The following MARCHF3 variants were observed in gnomAD, a reference collection of about 807,000 sequenced individuals.
MARCHF3 encodes E3 ubiquitin-protein ligase MARCHF3.
Under a neutral mutation model 24.2 loss-of-function variants are expected in MARCHF3, and 13 were observed. The observed-to-expected ratio is 0.54, with a 90% CI of 0.35 to 0.85. The LOEUF (loss-of-function observed/expected upper bound fraction) is 0.85, where lower values mean the gene tolerates loss of function less well. Among genes scored for constraint, MARCHF3 ranks in the 40% least tolerant of loss-of-function variants. MARCHF3 has a pLI of 0.01. For missense variants in MARCHF3, 276 were observed against 325.0 expected, an observed-to-expected ratio of 0.85 and a Z score of 1.16; for synonymous variants, 144 against 137.3, an observed-to-expected ratio of 1.05 and a Z score of -0.34.
intron 1 of MARCHF3, among the ~76,000 whole-genome samples, chr5:126,979,087 T>C (rs368080325): frequency 2.6e-5 from 4 of 152,208 alleles, no homozygotes; most frequent in African/African-American, 9.7e-5. Flanking sequence ...CACACGGACT[T>C]TCCTTAATTT....
intron 2 of MARCHF3, among the ~76,000 whole-genome samples, chr5:126,915,396 A>G (rs1412903363): frequency 3.3e-5 from 5 of 152,250 alleles, no homozygotes; most frequent in African/African-American, 1.2e-4. Context: ...AGTGAGTGAA[A>G]ACAAGCAGTG....
intron 1 of MARCHF3, among the ~76,000 whole-genome samples, chr5:127,020,295 A>C (rs1752753160): frequency 6.6e-6 from 1 of 152,260 alleles, no homozygotes; most frequent in African/African-American, 2.4e-5. Flanking sequence ...CCAGATGTTA[A>C]GGAAGCAAAA....
chr5:126,960,631 GTAACAT>G (rs1231592174), intron 1 of MARCHF3, among the ~76,000 whole-genome samples: 10 of 152,122 alleles, frequency 6.6e-5, no homozygotes, highest in African/African-American at 2.4e-4. Flanking sequence ...CAGCTGTAAA[GTAACAT>G]TAGACAATGA....
At chr5:127,007,672 C>T (rs559260910) in intron 1 of MARCHF3, among the ~76,000 whole-genome samples, 3 of 152,048 alleles carry the variant, frequency 2.0e-5, no homozygotes, top group Non-Finnish European at 4.4e-5. Context: ...TAACAAAGAG[C>T]TTATTTTATG....
chr5:126,899,193 G>C, intron 3 of MARCHF3: 1 of 985,316 alleles, frequency 1.0e-6, no homozygotes, highest in Non-Finnish European at 1.2e-6. Context: ...TACATTCCAT[G>C]AAGAATGAGG....
chr5:126,895,990 C>A (rs544385729), intron 3 of MARCHF3, among the ~76,000 whole-genome samples: 1 of 152,266 alleles, frequency 6.6e-6, no homozygotes, highest in East Asian at 1.9e-4. Context: ...ACCCTCCAAG[C>A]CAGGTGCGGG....
chr5:126,913,453 T>G (rs1354421819), intron 3 of MARCHF3, among the ~76,000 whole-genome samples: 5 of 152,242 alleles, frequency 3.3e-5, no homozygotes, highest in Non-Finnish European at 1.5e-5. Flanking sequence ...TTAATTATAT[T>G]TGCCCCTCTA....
intron 1 of MARCHF3, among the ~76,000 whole-genome samples, chr5:127,020,476 TC>T (rs1752758804): frequency 6.6e-6 from 1 of 152,186 alleles, no homozygotes; most frequent in South Asian, 2.1e-4. Context: ...TGAATCCTAA[TC>T]CCCAATGTGA....
At chr5:126,900,634 G>A (rs754654940) in intron 3 of MARCHF3, among the ~76,000 whole-genome samples, 1 of 151,854 alleles carries the variant, frequency 6.6e-6, no homozygotes, top group Non-Finnish European at 1.5e-5. Flanking sequence ...ATAGTAGCCA[G>A]AATGGACTGG....
chr5:127,014,636 G>T (rs1752577218), intron 1 of MARCHF3, among the ~76,000 whole-genome samples: 1 of 152,168 alleles, frequency 6.6e-6, no homozygotes, highest in African/African-American at 2.4e-5. Context: ...AAAAAAGAAT[G>T]AAATTCTGTA....
chr5:127,022,092 T>C (rs1752822163), intron 1 of MARCHF3, among the ~76,000 whole-genome samples: 1 of 152,196 alleles, frequency 6.6e-6, no homozygotes, highest in Non-Finnish European at 1.5e-5. Flanking sequence ...GATAGATAAG[T>C]GAGCGGGAGG....
chr5:126,894,594 T>G (rs1278556893), intron 3 of MARCHF3, among the ~76,000 whole-genome samples: 1 of 151,996 alleles, frequency 6.6e-6, no homozygotes, highest in African/African-American at 2.4e-5. Flanking sequence ...ATTCTTTTCT[T>G]TAAGAATGTT....
chr5:127,001,505 A>G (rs1580473346), intron 1 of MARCHF3, among the ~76,000 whole-genome samples: 1 of 152,192 alleles, frequency 6.6e-6, no homozygotes, highest in African/African-American at 2.4e-5. Context: ...CCTCTCCCCC[A>G]TGGTACCAGT....
chr5:126,932,757 G>A (rs1357246253), intron 1 of MARCHF3, among the ~76,000 whole-genome samples: 1 of 152,064 alleles, frequency 6.6e-6, no homozygotes, highest in African/African-American at 2.4e-5. Context: ...GAGCTAGGTG[G>A]GCCACTATAG....
chr5:126,976,905 T>C (rs935189449), intron 1 of MARCHF3, among the ~76,000 whole-genome samples: 2 of 152,248 alleles, frequency 1.3e-5, no homozygotes, highest in Non-Finnish European at 2.9e-5. Flanking sequence ...CCACCGATCC[T>C]GGGTTTGCTT....
At chr5:126,895,994 G>A (rs1164238042) in intron 3 of MARCHF3, among the ~76,000 whole-genome samples, 1 of 152,170 alleles carries the variant, frequency 6.6e-6, no homozygotes, top group Non-Finnish European at 1.5e-5. Flanking sequence ...TCCAAGCCAG[G>A]TGCGGGATAT....
At chr5:126,964,539 T>C (rs868334039) in intron 1 of MARCHF3, among the ~76,000 whole-genome samples, 16 of 152,194 alleles carry the variant, frequency 1.1e-4, no homozygotes, top group Non-Finnish European at 7.3e-5. Context: ...TTTCTTATGG[T>C]ACATGCCTTT....
chr5:126,938,308 C>G (rs1749714467), intron 1 of MARCHF3, among the ~76,000 whole-genome samples: 1 of 151,536 alleles, frequency 6.6e-6, no homozygotes, highest in African/African-American at 2.4e-5. Context: ...GCTGGGATTA[C>G]AGATGTGTGC....
chr5:127,009,417 G>T (rs1451517029), intron 1 of MARCHF3, among the ~76,000 whole-genome samples: 3 of 152,074 alleles, frequency 2.0e-5, no homozygotes, highest in African/African-American at 7.2e-5. Context: ...TTATCAGAGA[G>T]AACTTAAAAT....
Sources: allele counts gnomAD v4.1 joint callset (sites outside exome capture counted in the v4.1 genomes callset), GRCh38; gene constraint gnomAD v4.1.1; transcripts MANE v1.5; gene names NCBI Gene and HGNC (gene_info 2026-07-23, HGNC 2026-07-21).